Variants in MCCC2 observed in about 807,000 individuals in gnomAD.
MCCC2 encodes the protein methylcrotonyl-CoA carboxylase subunit 2, also known as methylcrotonoyl-CoA carboxylase beta chain, mitochondrial.
MCCC2 carries 52 observed loss-of-function variants against 77.2 expected under a neutral mutation model. The observed-to-expected ratio is 0.67, with a 90% CI of 0.54 to 0.85. The LOEUF is 0.85. MCCC2 is among the 40% of genes least tolerant of loss of function. The pLI, the probability that MCCC2 is intolerant of heterozygous loss-of-function variation, is 0.00. For missense variants in MCCC2, 682 were observed against 703.2 expected (o/e 0.97, Z 0.34); for synonymous variants, 253 against 248.4 (o/e 1.02, Z -0.18).
intron 4 of MCCC2, among the ~76,000 whole-genome samples, chr5:71,601,191 T>G (rs558353554): frequency 6.6e-6 from 1 of 152,388 alleles, no homozygotes; most frequent in East Asian, 1.9e-4. Context: ...GTAACAAGTC[T>G]GTGACCTTTA....
At chr5:71,598,591 C>T (rs1561820670) in intron 3 of MCCC2, among the ~76,000 whole-genome samples, 1 of 150,944 alleles carries the variant, frequency 6.6e-6, no homozygotes, top group Non-Finnish European at 1.5e-5. Context: ...AGGCACGTGC[C>T]TCCACGCCTG....
intron 15 of MCCC2, among the ~76,000 whole-genome samples, chr5:71,650,885 G>T (rs1414560686): frequency 2.0e-5 from 3 of 152,308 alleles, no homozygotes; most frequent in Admixed American, 6.5e-5. Context: ...TCCTGCCCTT[G>T]TGATCCACTC....
At chr5:71,648,034 T>G (rs950490385) in intron 13 of MCCC2, among the ~76,000 whole-genome samples, 11 of 152,126 alleles carry the variant, frequency 7.2e-5, no homozygotes, top group African/African-American at 2.7e-4. Context: ...CTGGGGAGAT[T>G]GAGGAGTTTC....
chr5:71,636,128 C>T (rs569582804), intron 10 of MCCC2: 33 of 416,692 alleles, frequency 7.9e-5, no homozygotes, highest in African/African-American at 1.2e-4. Flanking sequence ...ATATTTTCTA[C>T]GGCTAGATCT....
Position 71,643,858 on chromosome 5 carries a change from G to C in MCCC2, c.1112G>C (p.Gly371Ala). 1 of 1,614,130 alleles carries C rather than the reference G, an allele frequency of 6.2e-7. No individual in the cohort carries two copies. Among genetic ancestry groups the C allele is most frequent in the Non-Finnish European group, 8.5e-7 (1 of 1,180,018 alleles). The change falls in exon 12 of 17, where the codon GGA becomes GCA. Residue 371 changes from glycine (G) to alanine (A), a missense_variant. Coordinates refer to ENST00000340941, the MANE Select transcript of MCCC2 (RefSeq NM_022132.5). Reference protein sequence around the residue: ...RIFGYPVGIVGNNGVLFSESA... With the variant: ...RIFGYPVGIVANNGVLFSESA... ...TTTGGGTACCCAGTAGGTATCGTTG[G>C]AAACAACGGAGTTCTCTTTTCTGAA...
intron 10 of MCCC2, among the ~76,000 whole-genome samples, chr5:71,639,257 G>A (rs1747038510): frequency 6.6e-6 from 1 of 152,098 alleles, no homozygotes; most frequent in South Asian, 2.1e-4. Flanking sequence ...CCAGAAGGCT[G>A]TTTCATCTAC....
At chr5:71,625,690 G>T (rs1746509073) in intron 6 of MCCC2, among the ~76,000 whole-genome samples, 1 of 152,144 alleles carries the variant, frequency 6.6e-6, no homozygotes, top group African/African-American at 2.4e-5. Context: ...AAATGTTGAA[G>T]CCACTTTCAA....
At position 71,604,338 on chromosome 5, in the gene MCCC2, C is replaced by A; in HGVS notation, c.512-18C>A. Reference sequence around the variant, plus strand: ...TTAGTTCATAGAGATGCTTATGTTTCTCATTTCTTGTCTTCAGTTGATTCG... The same window carrying A: ...TTAGTTCATAGAGATGCTTATGTTTATCATTTCTTGTCTTCAGTTGATTCG... On this transcript the variant is annotated intron_variant, in intron 5 of 16. Transcript: ENST00000340941. The A allele has an allele frequency of 6.2e-7, 1 of 1,603,426 alleles. No individual in the cohort carries two copies. The highest frequency in any genetic ancestry group is 8.5e-7 in the Non-Finnish European group (1 of 1,170,250).
At chr5:71,656,493 G>T (rs1747581002) in intron 16 of MCCC2, among the ~76,000 whole-genome samples, 1 of 152,160 alleles carries the variant, frequency 6.6e-6, no homozygotes, top group African/African-American at 2.4e-5. Flanking sequence ...TCTTATAAAA[G>T]TAGTTCCTTA....
chr5:71,592,995 A>G lies in MCCC2; in HGVS notation c.196+3A>G, dbSNP rs751519858. On this transcript the variant is annotated splice_donor_region_variant and intron_variant, in intron 2 of 16. Transcript: ENST00000340941. ...ACGAGTGGAGCATATAAAACTAGGT[A>G]AACACAGCATTTATTCCACAGCTTA... is the stretch of plus-strand genomic sequence containing the variant. 2.5e-6 allele frequency: 4 copies of G among 1,609,886 alleles called. No homozygotes were observed. Among genetic ancestry groups the G allele is most frequent in the East Asian group, 2.2e-5 (1 of 44,842 alleles).
chr5:71,608,756 C>T (rs560880941), intron 6 of MCCC2, among the ~76,000 whole-genome samples: 8 of 152,196 alleles, frequency 5.3e-5, no homozygotes, highest in East Asian at 1.9e-4. Context: ...TTTTTTAGGG[C>T]AGGCCTGGTG....
intron 10 of MCCC2, among the ~76,000 whole-genome samples, chr5:71,638,391 ACCT>A (rs1408772824): frequency 2.0e-5 from 3 of 152,110 alleles, no homozygotes; most frequent in Middle Eastern, 6.8e-3. Context: ...TGATATTTTG[ACCT>A]CCTCGCATGA....
In MCCC2 at chr5:71,653,811, A is replaced by G. The variant is rs1263568755; in HGVS notation, c.1574+1057A>G. 2.0e-5 allele frequency among the ~76,000 whole-genome samples: 3 copies of G among 149,842 alleles called. No homozygotes were observed. The Admixed American group carries it at 2.0e-4, about 10-fold the overall frequency. On this transcript the variant is annotated intron_variant, in intron 16 of 16. Transcript: ENST00000340941. ...GGCTGCAGTGAGCCGAGATCATGCC[A>G]CTGTGCTCCAACCTGGGTGACAGAA... is the stretch of plus-strand genomic sequence containing the variant.
chr5:71,593,553 T>G (rs911224948), intron 2 of MCCC2, among the ~76,000 whole-genome samples: 5 of 150,974 alleles, frequency 3.3e-5, no homozygotes, highest in African/African-American at 9.7e-5. Context: ...TTATTTTTAA[T>G]TTTTATTAAT....
At position 71,588,287 on chromosome 5, in the gene MCCC2, AAGTT is replaced by A; in HGVS notation, c.129+734_129+737del. The stretch of plus-strand genomic sequence containing the variant: ...CTGTCTCAAAAAAAAAAAAAAAAAA[AAGTT>A]GGTTATGTTAATAGAAAATATCCCA... On this transcript the variant is annotated intron_variant, in intron 1 of 16. Transcript: ENST00000340941. Among the ~76,000 whole-genome samples the A allele has an allele frequency of 1.3e-5, 2 of 151,728 alleles. 1 individual carries two copies. Among genetic ancestry groups the A allele is most frequent in the Non-Finnish European group, 2.9e-5 (2 of 67,922 alleles).
At chr5:71,606,897 G>C (rs999757638) in intron 6 of MCCC2, among the ~76,000 whole-genome samples, 1 of 150,922 alleles carries the variant, frequency 6.6e-6, no homozygotes, top group Non-Finnish European at 1.5e-5. Context: ...TGCATATATT[G>C]AACCAGCCTT....
At chr5:71,623,786 G>A (rs571211590) in intron 6 of MCCC2, among the ~76,000 whole-genome samples, 1 of 152,316 alleles carries the variant, frequency 6.6e-6, no homozygotes, top group African/African-American at 2.4e-5. Flanking sequence ...TCAGAGAGGT[G>A]GATTGCTGGT....
chr5:71,654,382 T>C (rs1282018003), intron 16 of MCCC2, among the ~76,000 whole-genome samples: 1 of 152,198 alleles, frequency 6.6e-6, no homozygotes, highest in Non-Finnish European at 1.5e-5. Context: ...TTGTGGTGGT[T>C]TGATTCATTT....
intron 6 of MCCC2, among the ~76,000 whole-genome samples, chr5:71,622,474 C>T (rs1444087276): frequency 6.6e-6 from 1 of 152,100 alleles, no homozygotes; most frequent in East Asian, 1.9e-4. Flanking sequence ...ATAACTTACC[C>T]ATTTGATGTG....
Sources: allele counts gnomAD v4.1 joint callset (sites outside exome capture counted in the v4.1 genomes callset), GRCh38; gene constraint gnomAD v4.1.1; transcripts MANE v1.5; gene names NCBI Gene and HGNC (gene_info 2026-07-23, HGNC 2026-07-21).